Variants in STK3 observed in about 807,000 individuals in gnomAD.
STK3 encodes serine/threonine kinase 3, also known as serine/threonine-protein kinase 3.
STK3 carries 41 observed loss-of-function variants against 58.0 expected under a neutral mutation model. That is an observed-to-expected ratio of 0.71 (90% CI 0.55 to 0.92). The LOEUF is 0.92. Ranked by LOEUF, STK3 falls within the 40% of genes least tolerant of loss-of-function variation. The pLI, the probability that STK3 is intolerant of heterozygous loss-of-function variation, is 0.00. For missense variants in STK3, 479 were observed against 602.7 expected, an observed-to-expected ratio of 0.79 and a Z score of 2.15; for synonymous variants, 170 against 191.0, an observed-to-expected ratio of 0.89 and a Z score of 0.91.
At chr8:98,713,395 G>C (rs1025371320) in intron 4 of STK3, among the ~76,000 whole-genome samples, 2 of 151,224 alleles carry the variant, frequency 1.3e-5, no homozygotes, top group African/African-American at 2.4e-5. Flanking sequence ...AAGACTAATA[G>C]AAAAGAGAGA....
At chr8:98,718,148 C>T (rs73277812) in intron 4 of STK3, among the ~76,000 whole-genome samples, 2,669 of 152,128 alleles carry the variant, frequency 0.018, 73 homozygotes, top group African/African-American at 0.061. Flanking sequence ...GCTTACACAA[C>T]TTTATAAATG....
chr8:98,357,659 A>G, the STK3 span, among the ~76,000 whole-genome samples: 78 of 152,320 alleles, frequency 5.1e-4, no homozygotes, highest in African/African-American at 1.8e-3. Flanking sequence ...TGGGTAACAT[A>G]GTTGATACCC....
intron 6 of STK3, among the ~76,000 whole-genome samples, chr8:98,610,646 T>C (rs1364584014): frequency 1.3e-5 from 2 of 152,160 alleles, no homozygotes; most frequent in Admixed American, 6.5e-5. Context: ...GCAGGGAAGA[T>C]GCCCGCATAG....
At chr8:98,394,728 C>T (rs566207441) in intron 3 of STK3, among the ~76,000 whole-genome samples, 2 of 152,146 alleles carry the variant, frequency 1.3e-5, no homozygotes, top group Non-Finnish European at 2.9e-5. Context: ...ATTCTTTGTA[C>T]ACATGAAGAA....
At chr8:98,845,500 G>T (rs1836167638) in intron 3 of STK3, among the ~76,000 whole-genome samples, 1 of 152,130 alleles carries the variant, frequency 6.6e-6, no homozygotes, top group Admixed American at 6.6e-5. Context: ...TATGGGTATT[G>T]CTTTATTGTT....
intron 7 of STK3, among the ~76,000 whole-genome samples, chr8:98,585,216 T>G (rs1226408161): frequency 4.6e-5 from 7 of 151,552 alleles, no homozygotes; most frequent in Admixed American, 1.3e-4. Context: ...TTCTAGGGTT[T>G]TTATGGTTTT....
At chr8:98,560,920 C>T (rs572793040) in intron 8 of STK3, among the ~76,000 whole-genome samples, 8 of 152,020 alleles carry the variant, frequency 5.3e-5, no homozygotes, top group Non-Finnish European at 8.8e-5. Context: ...ACAGTCCCAG[C>T]TACTTGGGAG....
At chr8:98,556,608 T>C (rs1028047263) in intron 8 of STK3, among the ~76,000 whole-genome samples, 1 of 152,090 alleles carries the variant, frequency 6.6e-6, no homozygotes. Context: ...AATTAGGGAA[T>C]GTCCTACAGC....
intron 6 of STK3, among the ~76,000 whole-genome samples, chr8:98,679,627 T>G (rs191478578): frequency 6.6e-6 from 1 of 152,358 alleles, no homozygotes; most frequent in Admixed American, 6.5e-5. Flanking sequence ...GCATCCCTAG[T>G]ACCTAGAATA....
At chr8:98,557,487 A>G (rs1811688859) in intron 8 of STK3, among the ~76,000 whole-genome samples, 1 of 152,046 alleles carries the variant, frequency 6.6e-6, no homozygotes, top group Non-Finnish European at 1.5e-5. Flanking sequence ...CTGTGTTCCA[A>G]GTGAAATTGC....
intron 3 of STK3, among the ~76,000 whole-genome samples, chr8:98,847,025 AT>A (rs1836233715): frequency 6.6e-6 from 1 of 152,214 alleles, no homozygotes; most frequent in South Asian, 2.1e-4. Flanking sequence ...AAGTCCCAGA[AT>A]TTTAGGTCTA....
intron 3 of STK3, among the ~76,000 whole-genome samples, chr8:98,411,413 C>T (rs970909434): frequency 1.3e-5 from 2 of 152,208 alleles, no homozygotes; most frequent in African/African-American, 4.8e-5. Flanking sequence ...CCAATAGGCC[C>T]CCTCACAACA....
At chr8:98,554,784 AC>A (rs1811467276) in intron 8 of STK3, among the ~76,000 whole-genome samples, 1 of 152,154 alleles carries the variant, frequency 6.6e-6, no homozygotes. Flanking sequence ...CTTTTAAGCC[AC>A]AGCTTTTACT....
At chr8:98,933,058 TG>T (rs768474929) in intron 1 of STK3, among the ~76,000 whole-genome samples, 141 of 152,356 alleles carry the variant, frequency 9.3e-4, no homozygotes, top group African/African-American at 2.5e-3. Flanking sequence ...CTACATTCCA[TG>T]ATCCTAAATC....
chr8:98,878,737 G>T (rs1446941635), intron 3 of STK3, among the ~76,000 whole-genome samples: 1 of 151,982 alleles, frequency 6.6e-6, no homozygotes, highest in African/African-American at 2.4e-5. Flanking sequence ...GAAGTAACTT[G>T]CCTTGCTGAG....
At chr8:98,409,792 G>A (rs902635225) in intron 3 of STK3, among the ~76,000 whole-genome samples, 2 of 152,182 alleles carry the variant, frequency 1.3e-5, no homozygotes, top group Non-Finnish European at 2.9e-5. Flanking sequence ...CTGTCTTACA[G>A]CACAGAGCAG....
intron 1 of STK3, among the ~76,000 whole-genome samples, chr8:98,920,682 C>T (rs908758078): frequency 6.6e-6 from 1 of 152,192 alleles, no homozygotes; most frequent in Non-Finnish European, 1.5e-5. Flanking sequence ...AGTTTGCAAG[C>T]CCCCCATGCT....
At chr8:98,511,031 A>G (rs1824473386) in intron 10 of STK3, among the ~76,000 whole-genome samples, 1 of 152,086 alleles carries the variant, frequency 6.6e-6, no homozygotes, top group Admixed American at 6.6e-5. Flanking sequence ...ATAAAATTAG[A>G]ACATTAAATA....
At chr8:98,682,771 A>T (rs1470981008) in intron 6 of STK3, among the ~76,000 whole-genome samples, 1 of 152,132 alleles carries the variant, frequency 6.6e-6, no homozygotes, top group Non-Finnish European at 1.5e-5. Flanking sequence ...TCAAAATTTA[A>T]ACCTGATAGA....
Sources: gnomAD v4.1 joint callset for allele counts (sites outside exome capture counted in the v4.1 genomes callset) on GRCh38, gnomAD v4.1.1 for gene constraint, MANE v1.5 for transcripts, NCBI Gene and HGNC (gene_info 2026-07-23, HGNC 2026-07-21) for gene names.